Variants in SI observed in about 807,000 individuals in gnomAD.
SI encodes the protein sucrase-isomaltase, also known as sucrase-isomaltase, intestinal.
A neutral mutation model predicts 253.3 loss-of-function variants in SI; 235 were observed. The ratio of observed to expected loss-of-function variants is 0.93; its 90% confidence interval spans 0.83 to 1.03. The LOEUF (loss-of-function observed/expected upper bound fraction) is 1.03. Ranked by LOEUF, SI falls within the 50% of genes least tolerant of loss-of-function variation. The pLI, the probability that SI is intolerant of heterozygous loss-of-function variation, is 0.00. For synonymous variants in SI, 819 were observed against 712.0 expected, an observed-to-expected ratio of 1.15 and a Z score of -2.39; for missense variants, 2,442 against 2,211.1, an observed-to-expected ratio of 1.10 and a Z score of -2.09.
At chr3:165,085,792 T>A in the SI span, among the ~76,000 whole-genome samples, 4 of 152,196 alleles carry the variant, frequency 2.6e-5, no homozygotes, top group Non-Finnish European at 5.9e-5. Flanking sequence ...AGACATTTTA[T>A]GTTGTTAAAA....
chr3:164,992,644 TG>T (rs1254179431), intron 41 of SI, among the ~76,000 whole-genome samples: 1 of 151,938 alleles, frequency 6.6e-6, no homozygotes, highest in East Asian at 1.9e-4. Context: ...CTGATGGACA[TG>T]TAACATCAAC....
chr3:165,069,686 G>T (rs910759261), intron 3 of SI, among the ~76,000 whole-genome samples: 2 of 152,036 alleles, frequency 1.3e-5, no homozygotes, highest in East Asian at 3.9e-4. Context: ...ATCTTAACTA[G>T]TTTATGTGCC....
chr3:165,033,363 C>A, intron 23 of SI, 32 bp downstream of exon 23: 1 of 1,520,408 alleles, frequency 6.6e-7, no homozygotes, highest in South Asian at 1.3e-5. Context: ...ACAAATTATG[C>A]ATTTAAGTAT....
In SI at chr3:165,058,946, T is replaced by C; in HGVS notation, c.1398+17A>G. On this transcript the variant is annotated intron_variant, in intron 12 of 47. Transcript: ENST00000264382. Reference sequence around the variant, plus strand: ...GAAAATTTGAGCAACATAGTTTTAATAAATATCATATTTTACCTCTCCAAT... The same window carrying C: ...GAAAATTTGAGCAACATAGTTTTAACAAATATCATATTTTACCTCTCCAAT... The C allele has an allele frequency of 6.2e-7, 1 of 1,606,562 alleles. No individual in the cohort carries two copies. Among genetic ancestry groups the C allele is most frequent in the South Asian group, 1.1e-5 (1 of 90,828 alleles).
chr3:164,982,406 G>A lies in SI; in HGVS notation c.5252C>T (p.Thr1751Ile), dbSNP rs377361477. The change falls in exon 47 of 48, where the codon ACC (threonine) becomes ATC (isoleucine). Residue 1751 changes from threonine (T) to isoleucine (I), a missense_variant. Physicochemically the swap from Thr to Ile is moderately conservative, Grantham distance 89. Coordinates refer to ENST00000264382, the MANE Select transcript of SI (RefSeq NM_001041.4). The part of the protein sequence containing the change: ...LSVQFNLNQT[T>I]LTSTILKRGY... ...TCTCTTCAATATAGTGCTTGTTAAG[G>A]TGGTCTATAAATAAAGAAAAAGGAA... is the stretch of plus-strand genomic sequence containing the variant. 32 of 1,607,452 alleles carry A rather than the reference G, an allele frequency of 2.0e-5. No individual in the cohort carries two copies. Among genetic ancestry groups the A allele is most frequent in the African/African-American group, 1.9e-4 (14 of 74,672 alleles).
At chr3:164,982,787 A>T (rs1446550355) in intron 46 of SI, among the ~76,000 whole-genome samples, 1 of 152,058 alleles carries the variant, frequency 6.6e-6, no homozygotes, top group African/African-American at 2.4e-5. Context: ...CCTCCTATGC[A>T]GCTGGGACTA....
intron 2 of SI, among the ~76,000 whole-genome samples, chr3:165,075,497 A>G (rs960003920): frequency 2.6e-5 from 4 of 152,012 alleles, no homozygotes; most frequent in Admixed American, 1.3e-4. Flanking sequence ...AAATCTAACC[A>G]GAACAAAGAA....
rs951333929 is a variant in SI, at chr3:165,070,454, G to C, written c.256-1259C>G. On this transcript the variant is annotated intron_variant, in intron 3 of 47. Transcript: ENST00000264382. ...TACATTGCAAACTGGGGTACAATTG[G>C]ATCTAATAACTTATTAGAGTCTAAA... 2.0e-5 allele frequency among the ~76,000 whole-genome samples: 3 copies of C among 149,858 alleles called. No individual in the cohort carries two copies. In the Admixed American group the frequency reaches 2.0e-4, roughly 10 times the overall value.
At chr3:165,038,098 G>A (rs1712626541) in intron 20 of SI, 74 bp from the exon 21 acceptor site, 1 of 1,364,346 alleles carries the variant, frequency 7.3e-7, no homozygotes, top group Admixed American at 1.7e-5. Flanking sequence ...GAATTAAAAG[G>A]CATTTTTATT....
In SI at chr3:165,036,420, T is replaced by C. The variant is rs1461059341; in HGVS notation, c.2484A>G (p.Gly828=). ...VALGENNTAK[G]DFFWDDGETK... ...TTTCTCCATCATCCCAGAAAAAGTC[T>C]CCTTTGGCTGTGTTGTTTTCACCTA... The change falls in exon 22 of 48, where the codon GGA becomes GGG. Residue 828 remains glycine (G), a synonymous_variant. Coordinates refer to ENST00000264382, the MANE Select transcript of SI (RefSeq NM_001041.4). 3 of 1,611,580 alleles carry C rather than the reference T, an allele frequency of 1.9e-6. No homozygotes were observed. The highest frequency in any genetic ancestry group is 2.5e-6 in the Non-Finnish European group (3 of 1,178,332).
chr3:165,015,870 A>G (rs983417166), intron 32 of SI, 82 bp downstream of exon 32: 7 of 1,237,142 alleles, frequency 5.7e-6, no homozygotes, highest in Admixed American at 1.7e-5. Flanking sequence ...TTCTATTTTG[A>G]AACATCTTCC....
At chr3:165,015,649 T>G (rs371483150) in intron 32 of SI, among the ~76,000 whole-genome samples, 2 of 152,200 alleles carry the variant, frequency 1.3e-5, no homozygotes, top group East Asian at 1.9e-4. Flanking sequence ...ATAGAAAATC[T>G]ACCATTACAT....
rs770289974 is a variant in SI, at chr3:164,982,234, A to G, written c.5415+9T>C. On this transcript the variant is annotated intron_variant, in intron 47 of 47. Transcript: ENST00000264382. The stretch of plus-strand genomic sequence containing the variant: ...ACGCTTTTGAAAAATATTTTCTTAC[A>G]TTACTTACCATGTTGGTAGTGTCTT... 23 of 1,607,772 alleles carry G rather than the reference A, an allele frequency of 1.4e-5. No individual in the cohort carries two copies. The highest frequency in any genetic ancestry group is 4.4e-5 in the South Asian group (4 of 90,882).
At chr3:165,035,063 T>C (rs1025323822) in intron 22 of SI, among the ~76,000 whole-genome samples, 8 of 151,906 alleles carry the variant, frequency 5.3e-5, no homozygotes, top group African/African-American at 1.9e-4. Flanking sequence ...TCTGTAGCAA[T>C]GAAGTTACCA....
chr3:164,997,676 G>T (rs1718072085), intron 38 of SI, among the ~76,000 whole-genome samples: 1 of 151,640 alleles, frequency 6.6e-6, no homozygotes, highest in Non-Finnish European at 1.5e-5. Flanking sequence ...GGTGTCTGTT[G>T]TTCCCTTCTT....
intron 20 of SI, among the ~76,000 whole-genome samples, chr3:165,038,617 G>T (rs1712662788): frequency 6.6e-6 from 1 of 151,566 alleles, no homozygotes; most frequent in Admixed American, 6.6e-5. Flanking sequence ...AAAATGGATG[G>T]TGTATTTGAG....
chr3:165,068,795 G>A lies in SI; in HGVS notation c.410C>T (p.Thr137Ile). ...EAKLNRIPSP[T>I]LFGNDINSVL... Reference sequence around the variant, plus strand: ...ACTGTTGATGTCATTTCCAAATAGTGTAGGTGAAGGTATCCTGTTTAATTT... The same window carrying A: ...ACTGTTGATGTCATTTCCAAATAGTATAGGTGAAGGTATCCTGTTTAATTT... The change falls in exon 5 of 48, where the codon ACA becomes ATA. Residue 137 changes from threonine (T) to isoleucine (I), a missense_variant. Transcript: ENST00000264382. 1 of 1,613,428 alleles carries A rather than the reference G, an allele frequency of 6.2e-7. No homozygotes were observed. Among genetic ancestry groups the A allele is most frequent in the Non-Finnish European group, 8.5e-7 (1 of 1,179,664 alleles).
chr3:165,006,076 CT>C (rs907086635), intron 37 of SI, among the ~76,000 whole-genome samples: 25 of 152,064 alleles, frequency 1.6e-4, no homozygotes, highest in Non-Finnish European at 3.4e-4. Context: ...TAAAAGTGCT[CT>C]AATTTACTAA....
chr3:165,022,550 C>CACAT (rs1286639537), intron 26 of SI, among the ~76,000 whole-genome samples: 3 of 149,856 alleles, frequency 2.0e-5, no homozygotes, highest in African/African-American at 7.4e-5. Flanking sequence ...CACACACACA[C>CACAT]ACACACACAC....
Sources: gnomAD v4.1 joint callset for allele counts (sites outside exome capture counted in the v4.1 genomes callset) on GRCh38, gnomAD v4.1.1 for gene constraint, MANE v1.5 for transcripts, NCBI Gene and HGNC (gene_info 2026-07-23, HGNC 2026-07-21) for gene names.